Variants in KIAA0586 observed in about 807,000 individuals in gnomAD.
KIAA0586 encodes the protein KIAA0586.
Under a neutral mutation model 169.8 loss-of-function variants are expected in KIAA0586, and 144 were observed. That is an observed-to-expected ratio of 0.85 (90% CI 0.74 to 0.97). The LOEUF is 0.97. KIAA0586 is among the 50% of genes least tolerant of loss of function. The pLI, the probability that KIAA0586 is intolerant of heterozygous loss-of-function variation, is 0.00. For missense variants in KIAA0586, 1,854 were observed against 1,823.0 expected, an observed-to-expected ratio of 1.02 and a Z score of -0.31; for synonymous variants, 625 against 612.4, an observed-to-expected ratio of 1.02 and a Z score of -0.30.
chr14:58,475,513 T>A (rs553971292), intron 19 of KIAA0586, among the ~76,000 whole-genome samples: 1 of 152,260 alleles, frequency 6.6e-6, no homozygotes, highest in East Asian at 1.9e-4. Context: ...GGCACTGTTC[T>A]AGGTTTGTTA....
chr14:58,555,585 G>A (rs575900684), downstream of KIAA0586, among the ~76,000 whole-genome samples: 5 of 152,136 alleles, frequency 3.3e-5, no homozygotes, highest in African/African-American at 9.7e-5. Flanking sequence ...AGTTATAGAT[G>A]AGACATTATT....
intron 29 of KIAA0586, among the ~76,000 whole-genome samples, chr14:58,522,379 G>A (rs1201245098): frequency 1.3e-5 from 2 of 152,208 alleles, no homozygotes; most frequent in Non-Finnish European, 1.5e-5. Context: ...ATCTCCTTTA[G>A]TTGAGTAGCT....
At chr14:58,464,540 G>T (rs2040586977) in intron 14 of KIAA0586, among the ~76,000 whole-genome samples, 1 of 151,990 alleles carries the variant, frequency 6.6e-6, no homozygotes, top group Admixed American at 6.6e-5. Context: ...TTTTGTGTGT[G>T]TGTTCCATAG....
intron 4 of KIAA0586, among the ~76,000 whole-genome samples, chr14:58,434,952 C>A (rs137984111): frequency 5.3e-5 from 8 of 152,010 alleles, no homozygotes; most frequent in Admixed American, 5.3e-4. Flanking sequence ...CCACATCCAG[C>A]TAACTTTTTT....
chr14:58,510,195 C>T (rs1003646375), intron 28 of KIAA0586, among the ~76,000 whole-genome samples: 1 of 152,046 alleles, frequency 6.6e-6, no homozygotes, highest in Non-Finnish European at 1.5e-5. Context: ...ATGGTGAAAC[C>T]CCATCTCTAC....
intron 29 of KIAA0586, chr14:58,537,202 G>A (rs1015462937): frequency 1.5e-5 from 16 of 1,033,022 alleles, no homozygotes; most frequent in Middle Eastern, 2.7e-4. Flanking sequence ...GAATAAAAGT[G>A]GTCAACTCTG....
Position 58,450,638 on chromosome 14 carries a change from C to G in KIAA0586, c.1021C>G (p.Pro341Ala). Residue 341 changes from proline (P) to alanine (A), a missense_variant, in exon 8 of 31, where the codon CCA becomes GCA. Pro to Ala is a conservative substitution (Grantham distance 27). Coordinates refer to ENST00000652326, the MANE Select transcript of KIAA0586 (RefSeq NM_001329943.3). ...TAAACAGAAATCTCCTTTGGAGACACCAGCACCTCGCAGATTTGCTCCTGT... is the reference window on the plus strand; with the variant it reads ...TAAACAGAAATCTCCTTTGGAGACAGCAGCACCTCGCAGATTTGCTCCTGT... ...FDKQKSPLET[P>A]APRRFAPVPV... 1 of 1,611,376 alleles carries G rather than the reference C, an allele frequency of 6.2e-7. No homozygotes were observed.
rs924361010 is a variant in KIAA0586 at position 58,543,927 on chromosome 14, G to A, written c.4495+3791G>A. 2.9e-5 allele frequency: 13 copies of A among 455,556 alleles called. 1 individual carries two copies. Among genetic ancestry groups the A allele is most frequent in the East Asian group, 1.4e-4 (2 of 14,368 alleles). The allele number at this position is 455,556 out of a possible 1,614,324, so 28.2% of individuals were successfully genotyped here. On this transcript the variant is annotated intron_variant, in intron 30 of 30. Coordinates refer to ENST00000652326, the MANE Select transcript of KIAA0586 (RefSeq NM_001329943.3). ...GAAGGTTTCCTGTATAGGTAAACTCGGGCTGTGGAGGTTTGTCATACAGAT... is the reference window on the plus strand; with the variant it reads ...GAAGGTTTCCTGTATAGGTAAACTCAGGCTGTGGAGGTTTGTCATACAGAT...
At chr14:58,538,747 G>A (rs2046457417) in intron 29 of KIAA0586, among the ~76,000 whole-genome samples, 1 of 149,472 alleles carries the variant, frequency 6.7e-6, no homozygotes, top group Non-Finnish European at 1.5e-5. Flanking sequence ...CCAGCCTGTG[G>A]TAACCATCCT....
intron 27 of KIAA0586, among the ~76,000 whole-genome samples, chr14:58,502,210 A>C (rs1275613609): frequency 6.6e-6 from 1 of 151,744 alleles, no homozygotes; most frequent in Non-Finnish European, 1.5e-5. Context: ...ATCTCAGCTC[A>C]CTGCAACCTC....
chr14:58,522,863 T>A (rs1352724695), intron 29 of KIAA0586, among the ~76,000 whole-genome samples: 1 of 152,192 alleles, frequency 6.6e-6, no homozygotes, highest in Non-Finnish European at 1.5e-5. Context: ...TGTATATACA[T>A]TTCTTACATT....
In KIAA0586 at chr14:58,459,835, AT is replaced by A. The variant is rs1287005290; in HGVS notation, c.1657-7del. On this transcript the variant is annotated splice_polypyrimidine_tract_variant and splice_region_variant and intron_variant, in intron 12 of 30. Transcript: ENST00000652326. ...ATTTTAAGTAATTTTAACTTTGGTTATGTTAAGGATGAACTGTCAAGAACAG... is the reference window on the plus strand; with the variant it reads ...ATTTTAAGTAATTTTAACTTTGGTTAGTTAAGGATGAACTGTCAAGAACAG... 1 of 1,434,240 alleles carries A rather than the reference AT, an allele frequency of 7.0e-7. No homozygotes were observed. Among genetic ancestry groups the A allele is most frequent in the East Asian group, 2.5e-5 (1 of 40,168 alleles). 88.8% of individuals were successfully genotyped at this position (1,434,240 alleles called of 1,614,324 possible). A position where few individuals can be genotyped will look rare whatever the true frequency, so the allele number is the denominator to read the frequency against.
Position 58,488,844 on chromosome 14 carries a change from T to C in KIAA0586, c.3751T>C (p.Phe1251Leu). 6.2e-7 allele frequency: 1 copy of C among 1,613,900 alleles called. No homozygotes were observed. The highest frequency in any genetic ancestry group is 1.1e-5 in the South Asian group (1 of 91,058). Residue 1251 changes from phenylalanine to leucine, a missense_variant, in exon 24 of 31, where the codon TTT becomes CTT. Transcript: ENST00000652326. ...ACCCATCTCTGAAGGAGAGATTTTA[T>C]TTAGCTGTGGTCAAAAATTGGCCCC... Reference protein sequence around the residue: ...DKPISEGEILFSCGQKLAPKI... With the variant: ...DKPISEGEILLSCGQKLAPKI...
chr14:58,476,066 C>G (rs954592663), intron 19 of KIAA0586, among the ~76,000 whole-genome samples: 1 of 152,108 alleles, frequency 6.6e-6, no homozygotes, highest in African/African-American at 2.4e-5. Context: ...CCACTGCACT[C>G]CAGACTGGGC....
At chr14:58,466,944 A>G (rs913695575) in intron 15 of KIAA0586, among the ~76,000 whole-genome samples, 1 of 152,184 alleles carries the variant, frequency 6.6e-6, no homozygotes, top group African/African-American at 2.4e-5. Flanking sequence ...TTCATGTTAA[A>G]AATTGAACAG....
chr14:58,438,772 A>T (rs1486236877), intron 4 of KIAA0586, among the ~76,000 whole-genome samples: 2 of 152,158 alleles, frequency 1.3e-5, no homozygotes, highest in Non-Finnish European at 2.9e-5. Context: ...GAGGAGAAGG[A>T]TGTAATAAGT....
chr14:58,450,897 A>G lies in KIAA0586; in HGVS notation c.1129+151A>G, dbSNP rs569024301. Among the ~76,000 whole-genome samples the G allele has an allele frequency of 2.0e-5, 3 of 152,236 alleles. No individual in the cohort carries two copies. The South Asian group carries it at 6.2e-4, about 32-fold the overall frequency. On this transcript the variant is annotated intron_variant, in intron 8 of 30. Coordinates refer to ENST00000652326, the MANE Select transcript of KIAA0586 (RefSeq NM_001329943.3). ...AATCAAGCTTCTTTAGATTCTTTGT[A>G]AAAGGGTTTGGAGGTATACATTTAT... is the stretch of plus-strand genomic sequence containing the variant.
Position 58,488,949 on chromosome 14 carries a change from G to A in KIAA0586, c.3781+75G>A, listed in dbSNP as rs1012841902. 6 of 1,447,996 alleles carry A rather than the reference G, an allele frequency of 4.1e-6. No individual in the cohort carries two copies. The African/African-American group carries it at 5.7e-5, about 14-fold the overall frequency. The allele number at this position is 1,447,996 out of a possible 1,614,324, so 89.7% of individuals were successfully genotyped here. ...CCTAAGTAATACTTTTCTATTTAAA[G>A]TGTTTTTACTTAACTTTCAAGATTT... On this transcript the variant is annotated intron_variant, in intron 24 of 30. Coordinates refer to ENST00000652326, the MANE Select transcript of KIAA0586 (RefSeq NM_001329943.3).
At chr14:58,438,849 T>A (rs888458189) in intron 4 of KIAA0586, among the ~76,000 whole-genome samples, 10 of 152,228 alleles carry the variant, frequency 6.6e-5, no homozygotes, top group African/African-American at 2.4e-4. Context: ...CATGGCATGG[T>A]ATATGTAGTT....
Sources: allele counts gnomAD v4.1 joint callset (sites outside exome capture counted in the v4.1 genomes callset), GRCh38; gene constraint gnomAD v4.1.1; transcripts MANE v1.5; gene names NCBI Gene and HGNC (gene_info 2026-07-23, HGNC 2026-07-21).